IL1RAPL2: variants seen among roughly 807,000 people sequenced by gnomAD.
The protein encoded by IL1RAPL2 is interleukin 1 receptor accessory protein like 2.
A neutral mutation model predicts 44.1 loss-of-function variants in IL1RAPL2; 3 were observed. The ratio of observed to expected loss-of-function variants is 0.07; its 90% CI spans 0.03 to 0.18. The LOEUF (loss-of-function observed/expected upper bound fraction) is 0.18, where lower values mean the gene tolerates loss of function less well. Among genes scored for constraint, IL1RAPL2 ranks in the 10% least tolerant of loss-of-function variants. IL1RAPL2 has a pLI of 1.00. For synonymous variants in IL1RAPL2, 181 were observed against 178.8 expected (o/e 1.01, Z -0.10); for missense variants, 391 against 496.4 (o/e 0.79, Z 2.02).
chrX:104,836,784 C>T (rs1416856393), intron 2 of IL1RAPL2, among the ~76,000 whole-genome samples: 1 of 111,064 alleles, frequency 9.0e-6, no homozygotes, highest in East Asian at 2.8e-4. Flanking sequence ...AGGTTTGCTA[C>T]ATAGGTATAC....
At chrX:104,888,536 A>G (rs1923323705) in intron 2 of IL1RAPL2, among the ~76,000 whole-genome samples, 1 of 111,113 alleles carries the variant, frequency 9.0e-6, no homozygotes, top group Non-Finnish European at 1.9e-5. Context: ...CTCTTTGCCT[A>G]TCTATCCTTC....
chrX:105,648,009 A>C (rs1199387286), intron 6 of IL1RAPL2, among the ~76,000 whole-genome samples: 2 of 112,166 alleles, frequency 1.8e-5, no homozygotes, highest in African/African-American at 3.2e-5. Flanking sequence ...TGTAAGAAAA[A>C]GAACTTGCAA....
intron 6 of IL1RAPL2, among the ~76,000 whole-genome samples, chrX:105,688,955 A>G (rs1273743837): frequency 8.9e-6 from 1 of 111,865 alleles, no homozygotes; most frequent in African/African-American, 3.3e-5. Context: ...CAAACCTGAC[A>G]AAAACAAGAA....
At chrX:105,207,343 C>G (rs1239651550) in intron 3 of IL1RAPL2, among the ~76,000 whole-genome samples, 4 of 111,646 alleles carry the variant, frequency 3.6e-5, no homozygotes, top group Non-Finnish European at 7.5e-5. Context: ...TGTGGTTCAT[C>G]ATTAAATTGT....
intron 2 of IL1RAPL2, among the ~76,000 whole-genome samples, chrX:104,895,473 C>G (rs1923615205): frequency 8.9e-6 from 1 of 112,776 alleles, no homozygotes; most frequent in Non-Finnish European, 1.9e-5. Flanking sequence ...CCTACTCAAG[C>G]CTCAGCAATG....
At chrX:104,759,391 G>C (rs1932391170) in intron 2 of IL1RAPL2, among the ~76,000 whole-genome samples, 1 of 111,666 alleles carries the variant, frequency 9.0e-6, no homozygotes, top group Non-Finnish European at 1.9e-5. Context: ...GGACAATTTG[G>C]GTTAAGTGAT....
intron 2 of IL1RAPL2, among the ~76,000 whole-genome samples, chrX:104,703,307 C>A (rs181586607): frequency 1.8e-5 from 2 of 111,735 alleles, no homozygotes. Context: ...AAGGACTGGG[C>A]ATTCTTGATC....
At chrX:105,166,650 C>T (rs762405884) in intron 2 of IL1RAPL2, among the ~76,000 whole-genome samples, 12 of 112,337 alleles carry the variant, frequency 1.1e-4, no homozygotes, top group Admixed American at 4.7e-4. Flanking sequence ...AAAGAATAAA[C>T]GGTGAAAAGT....
At chrX:104,587,585 G>T (rs1394180377) in intron 1 of IL1RAPL2, among the ~76,000 whole-genome samples, 1 of 112,317 alleles carries the variant, frequency 8.9e-6, no homozygotes, top group Non-Finnish European at 1.9e-5. Flanking sequence ...TATATCTATT[G>T]TGATAATCTT....
intron 2 of IL1RAPL2, among the ~76,000 whole-genome samples, chrX:104,753,420 C>A (rs1407165139): frequency 1.8e-5 from 2 of 111,033 alleles, no homozygotes; most frequent in Non-Finnish European, 3.8e-5. Flanking sequence ...AAGTATGGGA[C>A]CTCAGACAGA....
At chrX:104,655,010 T>C (rs1930227114) in intron 1 of IL1RAPL2, among the ~76,000 whole-genome samples, 1 of 111,775 alleles carries the variant, frequency 8.9e-6, no homozygotes. Context: ...TTGTGATTTT[T>C]GTACATTGAT....
chrX:105,012,645 T>TCTCTCTCTCA (rs1287477665), intron 2 of IL1RAPL2, among the ~76,000 whole-genome samples: 47 of 48,497 alleles, frequency 9.7e-4, no homozygotes, highest in East Asian at 6.7e-3. Context: ...TCTCTCTCTC[T>TCTCTCTCTCA]CACACACACA....
At chrX:105,122,234 C>T (rs1248378350) in intron 2 of IL1RAPL2, among the ~76,000 whole-genome samples, 1 of 111,459 alleles carries the variant, frequency 9.0e-6, no homozygotes, top group East Asian at 2.8e-4. Flanking sequence ...TAGAAGATTA[C>T]ATTTTTGTTT....
rs188029300 is a variant in IL1RAPL2 at position 105,037,078 on chromosome X, G to T, written c.83-158397G>T. On this transcript the variant is annotated intron_variant, in intron 2 of 10. Transcript: ENST00000372582. The stretch of plus-strand genomic sequence containing the variant: ...ACAATTTTGCAGACATAAATTTTTT[G>T]AGAATCTCTTAGAAAACAAAGGGAG... Among the ~76,000 whole-genome samples the T allele has an allele frequency of 4.5e-3, 502 of 111,699 alleles. 5 individuals carry two copies. The highest frequency in any genetic ancestry group is 0.016 in the African/African-American group (483 of 30,819).
intron 2 of IL1RAPL2, among the ~76,000 whole-genome samples, chrX:104,906,861 G>T (rs1489272141): frequency 9.0e-6 from 1 of 111,640 alleles, no homozygotes. Flanking sequence ...CTATTGATTG[G>T]AATAGTTTCA....
intron 3 of IL1RAPL2, among the ~76,000 whole-genome samples, chrX:105,202,691 A>G (rs1556147451): frequency 9.0e-6 from 1 of 111,421 alleles, no homozygotes. Flanking sequence ...CATAGTTCCA[A>G]TTCAGTGGAT....
chrX:105,670,137 ATATATATATATC>A (rs2037808290), intron 6 of IL1RAPL2, among the ~76,000 whole-genome samples: 1 of 52,923 alleles, frequency 1.9e-5, no homozygotes, highest in Admixed American at 1.9e-4. Flanking sequence ...ATATATATAT[ATATATATATATC>A]TCCACCAGAC....
chrX:105,309,201 A>G (rs1392110300), intron 5 of IL1RAPL2, among the ~76,000 whole-genome samples: 1 of 106,709 alleles, frequency 9.4e-6, no homozygotes, highest in Non-Finnish European at 1.9e-5. Context: ...CGCCTGGTTA[A>G]TTTTTTTGTA....
At chrX:104,916,965 G>T (rs1486773683) in intron 2 of IL1RAPL2, among the ~76,000 whole-genome samples, 1 of 111,533 alleles carries the variant, frequency 9.0e-6, no homozygotes, top group Non-Finnish European at 1.9e-5. Context: ...GCTGGATTCG[G>T]TTTGCCAGTA....
Sources: allele counts gnomAD v4.1 joint callset (sites outside exome capture counted in the v4.1 genomes callset), GRCh38; gene constraint gnomAD v4.1.1; transcripts MANE v1.5; gene names NCBI Gene and HGNC (gene_info 2026-07-23, HGNC 2026-07-21).